Variants in PPP1R9A observed in about 807,000 individuals in gnomAD.
PPP1R9A encodes neurabin-1.
PPP1R9A carries 59 observed loss-of-function variants against 141.9 expected under a neutral mutation model. The ratio of observed to expected loss-of-function variants is 0.42; its 90% CI spans 0.34 to 0.52. The LOEUF is 0.52. PPP1R9A is among the 20% of genes least tolerant of loss of function. The pLI is 0.10. For missense variants in PPP1R9A, 1,444 were observed against 1,611.9 expected (o/e 0.90, Z 1.78); for synonymous variants, 500 against 569.7 (o/e 0.88, Z 1.74).
chr7:95,022,468 A>C (rs769655619), intron 2 of PPP1R9A, among the ~76,000 whole-genome samples: 1 of 152,078 alleles, frequency 6.6e-6, no homozygotes, highest in African/African-American at 2.4e-5. Flanking sequence ...AATATCCTTT[A>C]TTTCTTTCTC....
intron 2 of PPP1R9A, chr7:95,036,294 G>T (rs559986794): frequency 6.6e-6 from 1 of 152,266 alleles, no homozygotes; most frequent in South Asian, 2.1e-4. Flanking sequence ...CAGACACACA[G>T]ATACATCAAA....
At chr7:95,030,077 T>C (rs1276660227) in intron 2 of PPP1R9A, among the ~76,000 whole-genome samples, 1 of 152,178 alleles carries the variant, frequency 6.6e-6, no homozygotes, top group Non-Finnish European at 1.5e-5. Flanking sequence ...GCTCGTCCTT[T>C]AGTTAGAATT....
chr7:95,163,414 C>G (rs892635851), intron 5 of PPP1R9A, among the ~76,000 whole-genome samples: 19 of 152,158 alleles, frequency 1.2e-4, no homozygotes, highest in Non-Finnish European at 2.6e-4. Flanking sequence ...GAAGGGCTAT[C>G]ATGGAAAAAG....
chr7:95,248,173 C>T (rs1201793662), intron 9 of PPP1R9A, among the ~76,000 whole-genome samples: 1 of 148,802 alleles, frequency 6.7e-6, no homozygotes, highest in Non-Finnish European at 1.5e-5. Context: ...ATCAAATATA[C>T]AATTTCAAAG....
intron 12 of PPP1R9A, among the ~76,000 whole-genome samples, chr7:95,255,516 A>G (rs902333182): frequency 6.6e-6 from 1 of 152,090 alleles, no homozygotes; most frequent in Non-Finnish European, 1.5e-5. Context: ...AACACCGAAA[A>G]CCTGCTTCCA....
intron 8 of PPP1R9A, among the ~76,000 whole-genome samples, chr7:95,237,227 ACT>A (rs1796827994): frequency 6.9e-6 from 1 of 144,188 alleles, no homozygotes; most frequent in South Asian, 2.1e-4. Flanking sequence ...ATGGAGTCTC[ACT>A]CTGTCTCCCA....
intron 2 of PPP1R9A, among the ~76,000 whole-genome samples, chr7:95,002,197 A>G (rs778356170): frequency 4.6e-5 from 7 of 152,238 alleles, no homozygotes; most frequent in Non-Finnish European, 7.3e-5. Context: ...ACATGTTATT[A>G]AAAATAATGA....
chr7:95,138,318 T>C (rs115832032), intron 4 of PPP1R9A, among the ~76,000 whole-genome samples: 1,589 of 152,198 alleles, frequency 0.01, 25 homozygotes, highest in African/African-American at 0.037. Flanking sequence ...TAGATACCCA[T>C]ATGGAGAAAT....
intron 2 of PPP1R9A, among the ~76,000 whole-genome samples, chr7:95,013,950 T>C (rs1804760075): frequency 1.3e-5 from 2 of 152,036 alleles, no homozygotes; most frequent in African/African-American, 4.8e-5. Context: ...AAATGAAAAA[T>C]GGAAACATTT....
At chr7:95,219,452 G>A (rs1189128842) in intron 7 of PPP1R9A, among the ~76,000 whole-genome samples, 2 of 152,060 alleles carry the variant, frequency 1.3e-5, no homozygotes, top group Non-Finnish European at 2.9e-5. Context: ...GTGTCTTGGA[G>A]TTGCTCTTCT....
intron 12 of PPP1R9A, among the ~76,000 whole-genome samples, chr7:95,254,667 G>C (rs966360697): frequency 6.6e-5 from 10 of 152,192 alleles, no homozygotes; most frequent in African/African-American, 1.9e-4. Flanking sequence ...ATCAAGTGTA[G>C]GTCAATGAAA....
At chr7:95,138,183 T>C (rs959842285) in intron 4 of PPP1R9A, among the ~76,000 whole-genome samples, 4 of 152,078 alleles carry the variant, frequency 2.6e-5, no homozygotes, top group Admixed American at 2.0e-4. Flanking sequence ...CCGCCCGCCT[T>C]GGTCTCCCAA....
At chr7:94,928,002 G>A (rs73721503) in intron 2 of PPP1R9A, among the ~76,000 whole-genome samples, 1 of 152,140 alleles carries the variant, frequency 6.6e-6, no homozygotes, top group Non-Finnish European at 1.5e-5. Flanking sequence ...CTGACCCAGG[G>A]AAGCCAGTAC....
At chr7:95,150,039 G>T (rs924304624) in intron 4 of PPP1R9A, among the ~76,000 whole-genome samples, 1 of 150,258 alleles carries the variant, frequency 6.7e-6, no homozygotes, top group East Asian at 2.0e-4. Flanking sequence ...AGAAAGCCCA[G>T]AAATAGACCC....
At chr7:94,932,649 A>G (rs996558831) in intron 2 of PPP1R9A, among the ~76,000 whole-genome samples, 1 of 152,178 alleles carries the variant, frequency 6.6e-6, no homozygotes, top group Non-Finnish European at 1.5e-5. Context: ...ACATCACGAC[A>G]GTTCATGAAT....
intron 2 of PPP1R9A, among the ~76,000 whole-genome samples, chr7:95,044,499 A>G (rs1809712874): frequency 1.3e-5 from 2 of 151,968 alleles, no homozygotes; most frequent in Non-Finnish European, 2.9e-5. Context: ...TTGAAAAGTA[A>G]GGGACTATAC....
intron 2 of PPP1R9A, among the ~76,000 whole-genome samples, chr7:94,925,472 C>T (rs2150764137): frequency 6.6e-6 from 1 of 152,006 alleles, no homozygotes; most frequent in East Asian, 1.9e-4. Context: ...CTCATTTTTC[C>T]CCCCACATGT....
chr7:95,165,098 C>T (rs1831044287), intron 5 of PPP1R9A, among the ~76,000 whole-genome samples: 1 of 152,088 alleles, frequency 6.6e-6, no homozygotes, highest in African/African-American at 2.4e-5. Context: ...TTATGTTGTC[C>T]AAACTCAAAT....
At chr7:94,970,355 G>A (rs918075424) in intron 2 of PPP1R9A, among the ~76,000 whole-genome samples, 5 of 152,156 alleles carry the variant, frequency 3.3e-5, no homozygotes, top group Admixed American at 2.6e-4. Context: ...GGAGTGAACC[G>A]TTCCTCACTC....
Sources: gnomAD v4.1 joint callset for allele counts (sites outside exome capture counted in the v4.1 genomes callset) on GRCh38, gnomAD v4.1.1 for gene constraint, MANE v1.5 for transcripts, NCBI Gene and HGNC (gene_info 2026-07-23, HGNC 2026-07-21) for gene names.